The following EYS variants were observed in gnomAD, a reference collection of about 807,000 sequenced individuals.
EYS encodes the protein protein eyes shut homolog.
In EYS, 250 loss-of-function variants were observed where a neutral mutation model predicts 282.1. The ratio of observed to expected loss-of-function variants is 0.89; its 90% CI spans 0.80 to 0.98. EYS has a LOEUF of 0.98. EYS is among the 50% of genes least tolerant of loss of function. The pLI is 0.00. For synonymous variants in EYS, 1,355 were observed against 1,282.9 expected, an observed-to-expected ratio of 1.06 and a Z score of -1.20; for missense variants, 4,016 against 3,709.0, an observed-to-expected ratio of 1.08 and a Z score of -2.15.
intron 35 of EYS, among the ~76,000 whole-genome samples, chr6:63,887,473 G>A (rs1334620069): frequency 2.0e-5 from 3 of 151,916 alleles, no homozygotes; most frequent in Admixed American, 6.6e-5. Context: ...ATCTCGTTGG[G>A]ACTGGTTAGA....
At chr6:65,659,707 CT>C (rs200784574) in intron 1 of EYS, among the ~76,000 whole-genome samples, 2 of 151,416 alleles carry the variant, frequency 1.3e-5, no homozygotes, top group Admixed American at 6.6e-5. Flanking sequence ...CTTTCTATTT[CT>C]TTTTTTTGAC....
chr6:64,352,163 C>T (rs945859269), intron 29 of EYS, among the ~76,000 whole-genome samples: 2 of 151,414 alleles, frequency 1.3e-5, no homozygotes, highest in African/African-American at 4.8e-5. Context: ...AGTTAATGTG[C>T]ATGTTCTTTC....
chr6:63,982,287 C>T (rs907699734), intron 35 of EYS, among the ~76,000 whole-genome samples: 16 of 151,818 alleles, frequency 1.1e-4, no homozygotes, highest in Admixed American at 3.9e-4. Flanking sequence ...CTCACAGTTT[C>T]CATGAGCCAA....
intron 36 of EYS, among the ~76,000 whole-genome samples, chr6:63,856,010 G>T (rs1277448337): frequency 7.5e-6 from 1 of 133,092 alleles, no homozygotes. Flanking sequence ...TTTTGTTTCA[G>T]TGAAGTTTTT....
chr6:64,550,379 C>T (rs1765034194), intron 26 of EYS, among the ~76,000 whole-genome samples: 4 of 152,126 alleles, frequency 2.6e-5, no homozygotes, highest in Admixed American at 2.6e-4. Context: ...CCTATTTCTC[C>T]ACATCCTCTC....
chr6:63,832,102 C>T (rs12525640), intron 36 of EYS, among the ~76,000 whole-genome samples: 38,567 of 151,900 alleles, frequency 0.25, 5,142 homozygotes, highest in Admixed American at 0.34. Context: ...TAAATGCCCA[C>T]AAAAGAAAGC....
intron 24 of EYS, among the ~76,000 whole-genome samples, chr6:64,605,236 C>T (rs1766889467): frequency 6.6e-6 from 1 of 151,826 alleles, no homozygotes; most frequent in Non-Finnish European, 1.5e-5. Context: ...TTTCGATATC[C>T]ATGATCCTAA....
intron 28 of EYS, among the ~76,000 whole-genome samples, chr6:64,413,656 A>T (rs998706707): frequency 7.2e-5 from 11 of 152,154 alleles, no homozygotes; most frequent in Non-Finnish European, 1.5e-4. Flanking sequence ...AAAGATAAAA[A>T]TATAGAAAAT....
intron 22 of EYS, among the ~76,000 whole-genome samples, chr6:64,665,016 A>G (rs1583016111): frequency 6.6e-6 from 1 of 152,364 alleles, no homozygotes; most frequent in Admixed American, 6.5e-5. Context: ...ACATGTGTGA[A>G]AAAAGAGTCA....
chr6:65,075,736 C>T (rs1017459445), intron 12 of EYS, among the ~76,000 whole-genome samples: 5 of 151,640 alleles, frequency 3.3e-5, no homozygotes, highest in African/African-American at 7.3e-5. Flanking sequence ...TTTCTCACAG[C>T]CTAATATTTC....
At chr6:64,024,721 G>T (rs1482378552) in intron 33 of EYS, among the ~76,000 whole-genome samples, 3 of 151,944 alleles carry the variant, frequency 2.0e-5, no homozygotes, top group Non-Finnish European at 4.4e-5. Flanking sequence ...AACTCCAGAC[G>T]TGCCACCTTA....
intron 12 of EYS, among the ~76,000 whole-genome samples, chr6:65,224,655 A>G (rs1003523808): frequency 1.3e-5 from 2 of 152,190 alleles, no homozygotes; most frequent in Non-Finnish European, 2.9e-5. Flanking sequence ...AGCTAGATTG[A>G]CTAAAAAAAA....
intron 26 of EYS, among the ~76,000 whole-genome samples, chr6:64,520,460 T>G (rs970553875): frequency 6.6e-6 from 1 of 151,816 alleles, no homozygotes; most frequent in Admixed American, 6.6e-5. Flanking sequence ...TTTCCCATTA[T>G]AGACTTCTTC....
At chr6:63,875,162 T>A (rs534533124) in intron 35 of EYS, among the ~76,000 whole-genome samples, 4 of 152,222 alleles carry the variant, frequency 2.6e-5, no homozygotes, top group African/African-American at 9.6e-5. Flanking sequence ...ACCTAGTTTA[T>A]TGAGAGTTTT....
At chr6:64,138,265 A>G (rs754527134) in intron 31 of EYS, among the ~76,000 whole-genome samples, 2 of 152,178 alleles carry the variant, frequency 1.3e-5, no homozygotes, top group Non-Finnish European at 2.9e-5. Context: ...GCTAAATGGG[A>G]ACATAAAACT....
intron 40 of EYS, among the ~76,000 whole-genome samples, chr6:63,765,454 C>G (rs1009756077): frequency 1.7e-4 from 25 of 151,352 alleles, no homozygotes; most frequent in Middle Eastern, 3.5e-3. Flanking sequence ...TGTCAAAGGA[C>G]TTTGAACAGC....
intron 35 of EYS, among the ~76,000 whole-genome samples, chr6:63,981,084 G>A (rs950737133): frequency 6.6e-6 from 1 of 151,758 alleles, no homozygotes; most frequent in Non-Finnish European, 1.5e-5. Context: ...GTTGGTTATG[G>A]TGATGGCCCT....
At chr6:64,988,477 A>T (rs1423518444) in intron 14 of EYS, among the ~76,000 whole-genome samples, 1 of 151,486 alleles carries the variant, frequency 6.6e-6, no homozygotes, top group Non-Finnish European at 1.5e-5. Flanking sequence ...AATCTAAAAA[A>T]AGTTAAAAGA....
intron 33 of EYS, among the ~76,000 whole-genome samples, chr6:64,060,265 TATAGATA>T (rs1408568863): frequency 1.4e-4 from 21 of 152,146 alleles, no homozygotes; most frequent in Non-Finnish European, 3.1e-4. Flanking sequence ...CTGTCAAAAT[TATAGATA>T]ATAGAGTATG....
Sources: gnomAD v4.1 joint callset for allele counts (sites outside exome capture counted in the v4.1 genomes callset) on GRCh38, gnomAD v4.1.1 for gene constraint, MANE v1.5 for transcripts, NCBI Gene and HGNC (gene_info 2026-07-23, HGNC 2026-07-21) for gene names.